The following ECHDC3 variants were observed in gnomAD, a reference collection of about 807,000 sequenced individuals.
The protein encoded by ECHDC3 is enoyl-CoA hydratase domain-containing protein 3, mitochondrial.
ECHDC3 carries 20 observed loss-of-function variants against 17.9 expected under a neutral mutation model. The ratio of observed to expected loss-of-function variants is 1.12; its 90% confidence interval spans 0.79 to 1.63. ECHDC3 has a LOEUF of 1.63. Ranked by LOEUF, ECHDC3 falls within the 40% of genes most tolerant of loss-of-function variation. The pLI is 0.00. For missense variants in ECHDC3, 407 were observed against 357.7 expected, an observed-to-expected ratio of 1.14 and a Z score of -1.11; for synonymous variants, 177 against 149.7, an observed-to-expected ratio of 1.18 and a Z score of -1.33.
At chr10:11,748,217 G>A (rs1026117116) in intron 2 of ECHDC3, among the ~76,000 whole-genome samples, 1 of 109,960 alleles carries the variant, frequency 9.1e-6, no homozygotes, top group Non-Finnish European at 1.9e-5. Flanking sequence ...AGCAAAGGCA[G>A]TTAACGTCTT....
intron 4 of ECHDC3, among the ~76,000 whole-genome samples, chr10:11,760,925 G>A (rs1243390636): frequency 1.3e-5 from 2 of 152,232 alleles, no homozygotes; most frequent in African/African-American, 2.4e-5. Flanking sequence ...AACTAAAAAT[G>A]GTCTGCCCTG....
chr10:11,749,673 A>T, intron 3 of ECHDC3, 81 bp downstream of exon 3: 1 of 1,350,252 alleles, frequency 7.4e-7, no homozygotes, highest in East Asian at 2.5e-5. Flanking sequence ...GACCTTACAG[A>T]TAAGATTTTA....
At chr10:11,751,554 T>G (rs927095427) in intron 3 of ECHDC3, among the ~76,000 whole-genome samples, 3 of 152,132 alleles carry the variant, frequency 2.0e-5, no homozygotes, top group Non-Finnish European at 4.4e-5. Context: ...CATGAGAAAA[T>G]TTGATTTTAG....
chr10:11,748,880 T>A (rs1311492614), intron 2 of ECHDC3, among the ~76,000 whole-genome samples: 1 of 152,218 alleles, frequency 6.6e-6, no homozygotes, highest in Non-Finnish European at 1.5e-5. Context: ...AGCAAGACTC[T>A]GTCTCAAACA....
Position 11,763,354 on chromosome 10 carries a change from C to T in ECHDC3, c.722C>T (p.Ala241Val), listed in dbSNP as rs1462920977. Residue 241 changes from alanine to valine, a missense_variant, in exon 5 of 5, where the codon GCA becomes GTA. Ala to Val is a moderately conservative substitution (Grantham distance 64). Coordinates refer to ENST00000379215, the MANE Select transcript of ECHDC3 (RefSeq NM_024693.5). The surrounding 1 kb of genome is among the most constrained non-coding windows in gnomAD (Gnocchi z 4.9). The part of the protein sequence containing the change: ...EETMRIARKI[A>V]SLSRPVVSLG... ...ACCATGCGGATCGCTAGGAAGATCGCATCGCTGAGCCGTCCGGTGGTGTCC... is the reference window on the plus strand; with the variant it reads ...ACCATGCGGATCGCTAGGAAGATCGTATCGCTGAGCCGTCCGGTGGTGTCC... The T allele has an allele frequency of 5.1e-6, 4 of 779,886 alleles. No homozygotes were observed. The highest frequency in any genetic ancestry group is 2.7e-5 in the South Asian group (2 of 74,636). The allele number at this position is 779,886 out of a possible 1,614,324, so 48.3% of individuals were successfully genotyped here. A position where few individuals can be genotyped will look rare whatever the true frequency, so the allele number is the denominator to read the frequency against.
rs1427221830 is a variant in ECHDC3, at chr10:11,749,506, G to T, written c.304G>T (p.Val102Leu). ...KVIIISAEGP[V>L]FSSGHDLKEL... The stretch of plus-strand genomic sequence containing the variant: ...GGAAACATTTGCAGCTGAGGGGCCT[G>T]TGTTTTCTTCTGGGCATGACTTAAA... Residue 102 changes from valine (V) to leucine (L), a missense_variant, in exon 3 of 5, where the codon GTG becomes TTG. Coordinates refer to ENST00000379215, the MANE Select transcript of ECHDC3 (RefSeq NM_024693.5). The T allele has an allele frequency of 1.2e-6, 2 of 1,614,062 alleles. No homozygotes were observed. Among genetic ancestry groups the T allele is most frequent in the South Asian group, 1.1e-5 (1 of 91,084 alleles).
At chr10:11,756,720 G>T (rs1184823419) in intron 4 of ECHDC3, among the ~76,000 whole-genome samples, 1 of 151,958 alleles carries the variant, frequency 6.6e-6, no homozygotes, top group Non-Finnish European at 1.5e-5. Flanking sequence ...ATTCTGTCAA[G>T]ATAGACACTT....
At chr10:11,757,075 C>CA (rs1422953959) in intron 4 of ECHDC3, among the ~76,000 whole-genome samples, 7 of 152,190 alleles carry the variant, frequency 4.6e-5, no homozygotes, top group Non-Finnish European at 8.8e-5. Context: ...TTGTGTATAA[C>CA]AAATTGATTG....
intron 3 of ECHDC3, among the ~76,000 whole-genome samples, chr10:11,753,042 T>C (rs1016391262): frequency 5.3e-5 from 8 of 152,222 alleles, no homozygotes; most frequent in African/African-American, 1.9e-4. Context: ...TTTACCTATT[T>C]CACATTATTT....
At chr10:11,746,859 G>C (rs1998636) in intron 1 of ECHDC3, among the ~76,000 whole-genome samples, 140,846 of 152,154 alleles carry the variant, frequency 0.93, 66,207 homozygotes, top group East Asian at 1. Flanking sequence ...TGCTTGAACC[G>C]GGGAGGTGGA....
chr10:11,755,353 G>A (rs557578586), intron 3 of ECHDC3, 55 bp from the exon 4 acceptor site: 35 of 1,242,902 alleles, frequency 2.8e-5, no homozygotes, highest in Admixed American at 9.9e-5. Flanking sequence ...AGCAATAGGC[G>A]TTAATGTCGT....
intron 4 of ECHDC3, among the ~76,000 whole-genome samples, chr10:11,756,897 G>T (rs181139699): frequency 6.6e-6 from 1 of 152,026 alleles, no homozygotes; most frequent in African/African-American, 2.4e-5. Flanking sequence ...CACCATACCC[G>T]GCTAATTTTG....
At chr10:11,745,974 A>G (rs1050684009) in intron 1 of ECHDC3, among the ~76,000 whole-genome samples, 1 of 152,114 alleles carries the variant, frequency 6.6e-6, no homozygotes, top group Non-Finnish European at 1.5e-5. Context: ...TTTTTCCTTC[A>G]TGTATCAGCC....
chr10:11,758,134 T>C (rs998079084), intron 4 of ECHDC3, among the ~76,000 whole-genome samples: 5 of 152,230 alleles, frequency 3.3e-5, no homozygotes, highest in African/African-American at 1.2e-4. Context: ...CCTGCTTGGC[T>C]GTGCTGGAGA....
chr10:11,750,015 C>CAT (rs1168997541), intron 3 of ECHDC3, among the ~76,000 whole-genome samples: 1 of 151,994 alleles, frequency 6.6e-6, no homozygotes, highest in Admixed American at 6.6e-5. Flanking sequence ...AGGCTGGTCT[C>CAT]AAACTCCTGA....
chr10:11,751,145 G>A (rs1379722552), intron 3 of ECHDC3, among the ~76,000 whole-genome samples: 1 of 152,166 alleles, frequency 6.6e-6, no homozygotes, highest in Admixed American at 6.5e-5. Flanking sequence ...GGCTAAAGTT[G>A]AAAAGCATCA....
Position 11,755,720 on chromosome 10 carries a change from C to T in ECHDC3, c.591+112C>T, listed in dbSNP as rs796101042. 125 of 1,070,822 alleles carry T rather than the reference C, an allele frequency of 1.2e-4. No individual in the cohort carries two copies. In the South Asian group the frequency reaches 1.8e-3, roughly 16 times the overall value. The allele number at this position is 1,070,822 out of a possible 1,614,324, so 66.3% of individuals were successfully genotyped here. ...GTTAAAAGTGCCTTTCATATCAGGACGTTCTGCCCAGAGTGCCTCTGGCTA... is the reference window on the plus strand; with the variant it reads ...GTTAAAAGTGCCTTTCATATCAGGATGTTCTGCCCAGAGTGCCTCTGGCTA... On this transcript the variant is annotated intron_variant, in intron 4 of 4. Transcript: ENST00000379215.
intron 4 of ECHDC3, among the ~76,000 whole-genome samples, chr10:11,756,727 A>G (rs939785743): frequency 6.6e-6 from 1 of 151,884 alleles, no homozygotes; most frequent in Admixed American, 6.6e-5. Context: ...CAAGATAGAC[A>G]CTTACCTTAA....
At chr10:11,757,337 C>T (rs1245587867) in intron 4 of ECHDC3, among the ~76,000 whole-genome samples, 1 of 152,106 alleles carries the variant, frequency 6.6e-6, no homozygotes, top group Non-Finnish European at 1.5e-5. Context: ...CCATATTTAT[C>T]AAGTTTTAAA....
Sources: allele counts gnomAD v4.1 joint callset (sites outside exome capture counted in the v4.1 genomes callset), GRCh38; gene constraint gnomAD v4.1.1; non-coding constraint Gnocchi (gnomAD v3.1); transcripts MANE v1.5; gene names NCBI Gene and HGNC (gene_info 2026-07-23, HGNC 2026-07-21).